The following RPRD2 variants were observed in gnomAD, a reference collection of about 807,000 sequenced individuals.
The protein encoded by RPRD2 is regulation of nuclear pre-mRNA domain containing 2.
In RPRD2, 12 loss-of-function variants were observed where a neutral mutation model predicts 104.4. That is an observed-to-expected ratio of 0.11 (90% confidence interval 0.07 to 0.19). The LOEUF is 0.19. Ranked by LOEUF, RPRD2 falls within the 10% of genes least tolerant of loss-of-function variation. The pLI, the probability that RPRD2 is intolerant of heterozygous loss-of-function variation, is 1.00. For synonymous variants in RPRD2, 714 were observed against 684.9 expected (o/e 1.04, Z -0.66); for missense variants, 1,543 against 1,790.1 (o/e 0.86, Z 2.49).
intron 7 of RPRD2, among the ~76,000 whole-genome samples, 154 bp from the exon 8 acceptor site, chr1:150,457,130 AGAAG>A (rs1667586947): frequency 6.6e-6 from 1 of 152,172 alleles, no homozygotes; most frequent in Non-Finnish European, 1.5e-5. Flanking sequence ...AGGCTGAGGT[AGAAG>A]GATCACTTCA....
chr1:150,365,949 T>C (rs954191141), intron 1 of RPRD2, among the ~76,000 whole-genome samples: 7 of 152,206 alleles, frequency 4.6e-5, no homozygotes, highest in African/African-American at 1.7e-4. Context: ...ATCTCATGGG[T>C]AATGTGCACA....
At chr1:150,435,741 G>C (rs1296562537) in intron 2 of RPRD2, among the ~76,000 whole-genome samples, 1 of 152,250 alleles carries the variant, frequency 6.6e-6, no homozygotes, top group Non-Finnish European at 1.5e-5. Context: ...AGCAAGTGCT[G>C]ATGTAGAAGC....
Position 150,471,272 on chromosome 1 carries a change from A to T in RPRD2, c.2324A>T (p.Asp775Val). The T allele has an allele frequency of 6.2e-7, 1 of 1,613,230 alleles. No homozygotes were observed. ...ACAAGATCACCACCCCCTGGGAGAG[A>T]TGAAAGCTACCCCCGAGAGCTCTCC... is the stretch of plus-strand genomic sequence containing the variant. ...SSTRSPPPGRDESYPRELSNS... is the reference protein window; with the variant it reads ...SSTRSPPPGRVESYPRELSNS... The change falls in exon 11 of 11, where the codon GAT becomes GTT. Residue 775 changes from aspartate (D) to valine (V), a missense_variant. Physicochemically the swap from Asp to Val is radical, Grantham distance 152 (BLOSUM62 -3). Coordinates refer to ENST00000369068, the MANE Select transcript of RPRD2 (RefSeq NM_015203.5). The surrounding 1 kb of genome is among the most constrained non-coding windows in gnomAD (Gnocchi z 5.3).
At chr1:150,368,286 T>C (rs1660006512) in intron 1 of RPRD2, among the ~76,000 whole-genome samples, 1 of 150,104 alleles carries the variant, frequency 6.7e-6, no homozygotes, top group Non-Finnish European at 1.5e-5. Context: ...TATTTTAAAT[T>C]AATTTAATTT....
intron 1 of RPRD2, among the ~76,000 whole-genome samples, chr1:150,397,046 T>C (rs1662583625): frequency 6.6e-6 from 1 of 152,206 alleles, no homozygotes. Flanking sequence ...TGATCTCAGT[T>C]CACTGCAGCC....
intron 8 of RPRD2, among the ~76,000 whole-genome samples, chr1:150,458,504 G>A (rs1667702589): frequency 6.6e-6 from 1 of 151,800 alleles, no homozygotes; most frequent in Admixed American, 6.6e-5. Flanking sequence ...GCCGAGCATG[G>A]TGGCAGAAAC....
In RPRD2 at chr1:150,474,405, T is replaced by G. The variant is rs1248280365; in HGVS notation, c.*1071T>G. ...CAGTCGTGTTATTCACCCCTATTCT[T>G]GATATTTTAAAGGAGGAGATTCAGT... is the stretch of plus-strand genomic sequence containing the variant. On this transcript the variant is annotated 3_prime_UTR_variant, in exon 11 of 11. Transcript: ENST00000369068. 1 of 152,182 alleles carries G rather than the reference T, an allele frequency of 6.6e-6. No homozygotes were observed. Among genetic ancestry groups the G allele is most frequent in the African/African-American group, 2.4e-5 (1 of 41,432 alleles). 9.4% of individuals were successfully genotyped at this position (152,182 alleles called of 1,614,324 possible).
chr1:150,390,357 C>T (rs916999538), intron 1 of RPRD2, among the ~76,000 whole-genome samples: 4 of 151,980 alleles, frequency 2.6e-5, no homozygotes, highest in African/African-American at 9.7e-5. Flanking sequence ...ATTAGCCAGG[C>T]GTGGTGGCAC....
intron 9 of RPRD2, 77 bp downstream of exon 9, chr1:150,460,394 G>GGTTGTTGTT (rs72430251): frequency 2.9e-5 from 31 of 1,081,880 alleles, no homozygotes; most frequent in Non-Finnish European, 3.3e-5. Context: ...TTTTTGGGGG[G>GGTTGTTGTT]GTTGTTGTTG....
At chr1:150,435,041 A>G (rs1453747279) in intron 2 of RPRD2, among the ~76,000 whole-genome samples, 1 of 152,094 alleles carries the variant, frequency 6.6e-6, no homozygotes, top group Non-Finnish European at 1.5e-5. Flanking sequence ...ATGCTCATTC[A>G]TGTCTCTGTG....
At chr1:150,428,071 AAG>A (rs1178983446) in intron 2 of RPRD2, among the ~76,000 whole-genome samples, 1 of 152,180 alleles carries the variant, frequency 6.6e-6, no homozygotes, top group Non-Finnish European at 1.5e-5. Flanking sequence ...CATAAAACTA[AAG>A]TGGTACATTA....
intron 6 of RPRD2, among the ~76,000 whole-genome samples, chr1:150,446,025 G>A (rs6694168): frequency 0.22 from 32,420 of 148,412 alleles, 4,010 homozygotes; most frequent in African/African-American, 0.32. Context: ...CTGAGATCGC[G>A]CCACTGCACT....
intron 1 of RPRD2, among the ~76,000 whole-genome samples, chr1:150,365,714 C>T (rs587635551): frequency 6.6e-6 from 1 of 152,012 alleles, no homozygotes; most frequent in African/African-American, 2.4e-5. Flanking sequence ...CTCAGCCTCG[C>T]GAGTAGTCGG....
chr1:150,471,555 C>T lies in RPRD2; in HGVS notation c.2607C>T (p.Tyr869=). ...KSSKLSDTTE[Y]QPILSSYSHR... ...GCAAGCTGTCTGATACCACCGAGTA[C>T]CAGCCAATTCTGTCCAGTTATAGCC... The change falls in exon 11 of 11, where the codon TAC becomes TAT. Residue 869 remains tyrosine (Y), a synonymous_variant. Transcript: ENST00000369068. This position sits in a 1 kb window ranked among gnomAD's most constrained non-coding sequence, Gnocchi z 5.3. The T allele has an allele frequency of 1.2e-6, 2 of 1,613,858 alleles. No homozygotes were observed. The highest frequency in any genetic ancestry group is 1.7e-6 in the Non-Finnish European group (2 of 1,179,858).
intron 1 of RPRD2, among the ~76,000 whole-genome samples, chr1:150,399,865 G>C (rs1553884987): frequency 6.6e-6 from 1 of 152,018 alleles, no homozygotes; most frequent in Non-Finnish European, 1.5e-5. Context: ...TCAAAACTAT[G>C]TTGTCTATTG....
chr1:150,455,670 TTTG>T (rs1667480353), intron 7 of RPRD2, among the ~76,000 whole-genome samples: 4 of 151,878 alleles, frequency 2.6e-5, no homozygotes, highest in Non-Finnish European at 4.4e-5. Flanking sequence ...AGTATGGACT[TTTG>T]TTAATAATTA....
chr1:150,415,988 T>A (rs968095450), intron 1 of RPRD2, among the ~76,000 whole-genome samples: 1 of 152,192 alleles, frequency 6.6e-6, no homozygotes, highest in Non-Finnish European at 1.5e-5. Flanking sequence ...TTGAAATAGT[T>A]CTTTGAGAGA....
At chr1:150,407,953 C>A (rs1663606404) in intron 1 of RPRD2, among the ~76,000 whole-genome samples, 1 of 151,692 alleles carries the variant, frequency 6.6e-6, no homozygotes, top group South Asian at 2.1e-4. Flanking sequence ...CTGTCATTCA[C>A]CCTGGAGTAT....
intron 1 of RPRD2, among the ~76,000 whole-genome samples, chr1:150,365,250 C>T (rs1453129260): frequency 6.6e-6 from 1 of 152,156 alleles, no homozygotes; most frequent in Non-Finnish European, 1.5e-5. Context: ...GAAATTGTAG[C>T]GTCTGTTTAT....
Sources: allele counts gnomAD v4.1 joint callset (sites outside exome capture counted in the v4.1 genomes callset), GRCh38; gene constraint gnomAD v4.1.1; non-coding constraint Gnocchi (gnomAD v3.1); transcripts MANE v1.5; gene names NCBI Gene and HGNC (gene_info 2026-07-23, HGNC 2026-07-21).